NOL4L: variants seen among roughly 807,000 people sequenced by gnomAD.
NOL4L encodes the protein nucleolar protein 4 like, also known as nucleolar protein 4-like.
A neutral mutation model predicts 64.5 loss-of-function variants in NOL4L; 7 were observed. The ratio of observed to expected loss-of-function variants is 0.11; its 90% CI spans 0.06 to 0.20. The LOEUF is 0.20. NOL4L is among the 10% of genes least tolerant of loss of function. NOL4L has a pLI of 1.00. For synonymous variants in NOL4L, 413 were observed against 401.0 expected (o/e 1.03, Z -0.36); for missense variants, 680 against 967.1 (o/e 0.70, Z 3.94).
At chr20:32,532,432 C>G in intron 1 of NOL4L, 1 of 946,912 alleles carries the variant, frequency 1.1e-6, no homozygotes, top group Non-Finnish European at 1.3e-6. Context: ...AAGACAGCAA[C>G]AAAGGGATCC....
At chr20:32,459,814 G>A (rs1324597261) in intron 5 of NOL4L, among the ~76,000 whole-genome samples, 16 of 152,212 alleles carry the variant, frequency 1.1e-4, no homozygotes, top group Non-Finnish European at 4.4e-5. Context: ...GATGACAGAC[G>A]TGAGCCACTG....
chr20:32,477,357 G>A (rs769064326), intron 4 of NOL4L, among the ~76,000 whole-genome samples: 10 of 152,180 alleles, frequency 6.6e-5, no homozygotes, highest in South Asian at 2.1e-4. Flanking sequence ...CTGTGCAATC[G>A]CCAAGGACTG....
At chr20:32,473,319 TG>T (rs2015151495) in intron 5 of NOL4L, among the ~76,000 whole-genome samples, 1 of 152,144 alleles carries the variant, frequency 6.6e-6, no homozygotes, top group East Asian at 1.9e-4. Flanking sequence ...GGTCAGCTGC[TG>T]CGCTTGTCCC....
intron 1 of NOL4L, among the ~76,000 whole-genome samples, chr20:32,584,141 A>G (rs1980727495): frequency 8.9e-6 from 1 of 112,334 alleles, no homozygotes; most frequent in South Asian, 3.4e-4. Flanking sequence ...GCGCACACAC[A>G]CACACACACA....
At chr20:32,485,850 A>G in intron 4 of NOL4L, 1 of 447,096 alleles carries the variant, frequency 2.2e-6, no homozygotes, top group Non-Finnish European at 4.7e-6. Context: ...CTGAATTACT[A>G]TTTCACAGCA....
At chr20:32,501,319 C>T (rs964066655) in intron 4 of NOL4L, among the ~76,000 whole-genome samples, 3 of 152,072 alleles carry the variant, frequency 2.0e-5, no homozygotes, top group East Asian at 3.8e-4. Flanking sequence ...TAGTACTCTT[C>T]GAAACTGTCA....
At position 32,580,689 on chromosome 20, in the gene NOL4L, A is replaced by G. The variant is rs147229992; in HGVS notation, c.321+3881T>C. On this transcript the variant is annotated intron_variant, in intron 1 of 10. Transcript: ENST00000621426. Reference sequence around the variant, plus strand: ...CCACGGAGAAGCTACAGCAGTGCACAGAGAACCCTGTTCCAGTCCTGGCTC... The same window carrying G: ...CCACGGAGAAGCTACAGCAGTGCACGGAGAACCCTGTTCCAGTCCTGGCTC... Among the ~76,000 whole-genome samples, 530 of 152,290 alleles carry G rather than the reference A, an allele frequency of 3.5e-3. 3 individuals are homozygous for G. The highest frequency in any genetic ancestry group is 0.013 in the African/African-American group (520 of 41,552).
intron 5 of NOL4L, among the ~76,000 whole-genome samples, chr20:32,473,410 TG>T: frequency 6.6e-6 from 1 of 152,308 alleles, no homozygotes; most frequent in East Asian, 1.9e-4. Context: ...GGCACTGGCC[TG>T]GGAGGCTGGC....
intron 3 of NOL4L, among the ~76,000 whole-genome samples, chr20:32,517,473 G>T (rs577161384): frequency 2.0e-4 from 30 of 152,356 alleles, no homozygotes; most frequent in African/African-American, 7.0e-4. Context: ...GGCTTTCAGC[G>T]GGGGCAGGAG....
chr20:32,567,734 A>G (rs1005054334), intron 1 of NOL4L, among the ~76,000 whole-genome samples: 9 of 152,188 alleles, frequency 5.9e-5, no homozygotes, highest in African/African-American at 1.9e-4. Context: ...CAGGAGCCCA[A>G]TGTGCAAACA....
rs1400755788 is a variant in NOL4L at position 32,447,332 on chromosome 20, G to GC, written c.*263dup. 1.5e-5 allele frequency: 9 copies of GC among 588,740 alleles called. No homozygotes were observed. Among genetic ancestry groups the GC allele is most frequent in the South Asian group, 6.1e-5 (4 of 65,350 alleles). The allele number at this position is 588,740 out of a possible 1,614,324, so 36.5% of individuals were successfully genotyped here. A position where few individuals can be genotyped will look rare whatever the true frequency, so the allele number is the denominator to read the frequency against. ...GCAGCCCCAGCGCCTTGTCAGGGGAGCCCCCAACCCTTCCAGAGCTGCCCC... is the reference window on the plus strand; with the variant it reads ...GCAGCCCCAGCGCCTTGTCAGGGGAGCCCCCCAACCCTTCCAGAGCTGCCCC... On this transcript the variant is annotated 3_prime_UTR_variant, in exon 11 of 11. Coordinates refer to ENST00000621426, the MANE Select transcript of NOL4L (RefSeq NM_001256798.2).
At chr20:32,528,720 C>T (rs1161318304) in intron 1 of NOL4L, among the ~76,000 whole-genome samples, 1 of 152,200 alleles carries the variant, frequency 6.6e-6, no homozygotes. Flanking sequence ...GGGGGTGAGG[C>T]CAGGGCCCGG....
At chr20:32,504,911 TAA>T (rs1379088111) in intron 4 of NOL4L, among the ~76,000 whole-genome samples, 1 of 152,170 alleles carries the variant, frequency 6.6e-6, no homozygotes, top group Non-Finnish European at 1.5e-5. Context: ...TCTGCTTCTT[TAA>T]GAGACCATCA....
intron 1 of NOL4L, among the ~76,000 whole-genome samples, chr20:32,558,582 G>A (rs1204499625): frequency 6.6e-6 from 1 of 152,104 alleles, no homozygotes; most frequent in Non-Finnish European, 1.5e-5. Context: ...CTGGGTACAC[G>A]GCCGCCCCAC....
chr20:32,564,800 C>T (rs1265765179), intron 1 of NOL4L, among the ~76,000 whole-genome samples: 3 of 152,206 alleles, frequency 2.0e-5, no homozygotes, highest in Non-Finnish European at 4.4e-5. Flanking sequence ...CCCAGTGCCT[C>T]GGGGGGCTGA....
chr20:32,530,269 C>T (rs1014132389), intron 1 of NOL4L, among the ~76,000 whole-genome samples: 7 of 152,182 alleles, frequency 4.6e-5, no homozygotes, highest in East Asian at 1.9e-4. Context: ...TGGCTGGGCG[C>T]GGTGGCTCAC....
chr20:32,538,623 CAG>C, intron 1 of NOL4L, among the ~76,000 whole-genome samples: 1 of 152,266 alleles, frequency 6.6e-6, no homozygotes, highest in South Asian at 2.1e-4. Flanking sequence ...GCTTTAGGGA[CAG>C]GGGCACCCCT....
rs975334802 is a variant in NOL4L at position 32,488,836 on chromosome 20, T to C, written c.700-14094A>G. Among the ~76,000 whole-genome samples, 62 of 72,252 alleles carry C rather than the reference T, an allele frequency of 8.6e-4. 2 individuals are homozygous for C. Among genetic ancestry groups the C allele is most frequent in the African/African-American group, 3.7e-3 (38 of 10,302 alleles). 47.4% of individuals were successfully genotyped at this position (72,252 alleles called of 152,430 possible). A position where few individuals can be genotyped will look rare whatever the true frequency, so the allele number is the denominator to read the frequency against. Reference sequence around the variant, plus strand: ...TTCTTTCTTTCTTTCTTTTTCTTTCTTTCTTTCTTTCTTTCTTTCTTTCTT... The same window carrying C: ...TTCTTTCTTTCTTTCTTTTTCTTTCCTTCTTTCTTTCTTTCTTTCTTTCTT... On this transcript the variant is annotated intron_variant, in intron 4 of 10. Coordinates refer to ENST00000621426, the MANE Select transcript of NOL4L (RefSeq NM_001256798.2).
intron 4 of NOL4L, among the ~76,000 whole-genome samples, chr20:32,490,078 G>A (rs1487663516): frequency 2.9e-5 from 4 of 138,908 alleles, no homozygotes; most frequent in South Asian, 2.3e-4. Context: ...GCAGTAAGCC[G>A]GGATCATGCC....
Sources: allele counts gnomAD v4.1 joint callset (sites outside exome capture counted in the v4.1 genomes callset), GRCh38; gene constraint gnomAD v4.1.1; transcripts MANE v1.5; gene names NCBI Gene and HGNC (gene_info 2026-07-23, HGNC 2026-07-21).